Variants in PTPRM observed in about 807,000 individuals in gnomAD.
PTPRM encodes the protein protein tyrosine phosphatase receptor type M, also known as receptor-type tyrosine-protein phosphatase mu.
In PTPRM, 47 loss-of-function variants were observed where a neutral mutation model predicts 186.7. That is an observed-to-expected ratio of 0.25 (90% CI 0.20 to 0.32). The LOEUF is 0.32. Among genes scored for constraint, PTPRM ranks in the 10% least tolerant of loss-of-function variants. PTPRM has a pLI of 1.00. For missense variants in PTPRM, 1,494 were observed against 1,865.0 expected, an observed-to-expected ratio of 0.80 and a Z score of 3.66; for synonymous variants, 668 against 674.9, an observed-to-expected ratio of 0.99 and a Z score of 0.16.
At chr18:7,711,948 A>G (rs929589720) in intron 1 of PTPRM, among the ~76,000 whole-genome samples, 1 of 152,138 alleles carries the variant, frequency 6.6e-6, no homozygotes, top group African/African-American at 2.4e-5. Flanking sequence ...AACTGAAGAG[A>G]GCAGCAAATC....
chr18:8,373,339 T>C (rs1287180967), intron 24 of PTPRM, among the ~76,000 whole-genome samples: 1 of 151,812 alleles, frequency 6.6e-6, no homozygotes, highest in Non-Finnish European at 1.5e-5. Context: ...AACAAGCAGA[T>C]GCAATGCACT....
intron 1 of PTPRM, among the ~76,000 whole-genome samples, chr18:7,700,624 A>G (rs1241051151): frequency 6.6e-6 from 1 of 152,210 alleles, no homozygotes; most frequent in African/African-American, 2.4e-5. Context: ...AGGTAGAGGC[A>G]ACCACAAAAT....
chr18:8,149,411 T>C (rs1443835798), intron 14 of PTPRM, among the ~76,000 whole-genome samples: 1 of 152,200 alleles, frequency 6.6e-6, no homozygotes, highest in Non-Finnish European at 1.5e-5. Context: ...TGTAATGCCC[T>C]TCTTTGTCTC....
chr18:8,301,978 G>A (rs889135795), intron 20 of PTPRM, among the ~76,000 whole-genome samples: 4 of 152,252 alleles, frequency 2.6e-5, no homozygotes, highest in Admixed American at 6.5e-5. Context: ...TGTGCTGCCG[G>A]AGCAGCGGGA....
intron 4 of PTPRM, among the ~76,000 whole-genome samples, chr18:7,910,334 C>T (rs1468701354): frequency 2.6e-5 from 4 of 152,042 alleles, no homozygotes; most frequent in African/African-American, 4.8e-5. Context: ...GTGTCTTGAA[C>T]AAAGAATTGG....
intron 2 of PTPRM, among the ~76,000 whole-genome samples, chr18:7,869,338 G>A (rs1046544639): frequency 9.8e-5 from 15 of 152,300 alleles, no homozygotes; most frequent in Admixed American, 5.9e-4. Context: ...AGGCACCGGG[G>A]GGAATCTCCT....
intron 1 of PTPRM, among the ~76,000 whole-genome samples, chr18:7,571,053 C>G (rs2036554469): frequency 6.6e-6 from 1 of 151,868 alleles, no homozygotes; most frequent in East Asian, 1.9e-4. Flanking sequence ...ATTCTCCTGC[C>G]TCAGCCTCCC....
chr18:8,260,344 TG>T (rs1157946258), intron 19 of PTPRM, among the ~76,000 whole-genome samples: 2 of 152,040 alleles, frequency 1.3e-5, no homozygotes, highest in East Asian at 3.9e-4. Context: ...TTTAATTTTT[TG>T]TAGAGACAGA....
chr18:8,244,536 A>G (rs891872844), intron 15 of PTPRM, among the ~76,000 whole-genome samples: 1 of 152,186 alleles, frequency 6.6e-6, no homozygotes, highest in African/African-American at 2.4e-5. Flanking sequence ...CCCATTTGTA[A>G]ACTATCCAGG....
chr18:7,709,532 A>AACAGAAGG (rs2040167930), intron 1 of PTPRM, among the ~76,000 whole-genome samples: 1 of 152,164 alleles, frequency 6.6e-6, no homozygotes, highest in Admixed American at 6.5e-5. Context: ...ACCCAAACCC[A>AACAGAAGG]ACAGAAGGAA....
chr18:8,085,932 T>C (rs976808887), intron 10 of PTPRM, 60 bp downstream of exon 10: 1 of 1,522,666 alleles, frequency 6.6e-7, no homozygotes, highest in Non-Finnish European at 9.1e-7. Flanking sequence ...CCGTTTTCAT[T>C]CCCATTGTCA....
At chr18:7,743,990 C>T (rs189080340) in intron 1 of PTPRM, among the ~76,000 whole-genome samples, 3 of 151,972 alleles carry the variant, frequency 2.0e-5, no homozygotes, top group Admixed American at 2.0e-4. Context: ...TAGATTTTTC[C>T]ACAATTAGTG....
At chr18:7,823,380 C>T (rs1218277493) in intron 2 of PTPRM, among the ~76,000 whole-genome samples, 1 of 152,128 alleles carries the variant, frequency 6.6e-6, no homozygotes, top group East Asian at 1.9e-4. Context: ...AGAAGGATGC[C>T]CATGGACAGG....
intron 4 of PTPRM, among the ~76,000 whole-genome samples, chr18:7,916,210 C>T (rs1299139354): frequency 6.6e-6 from 1 of 151,718 alleles, no homozygotes; most frequent in African/African-American, 2.4e-5. Context: ...GCAGTATATC[C>T]AAGGAACAAA....
At chr18:8,022,568 C>G (rs1049672581) in intron 7 of PTPRM, among the ~76,000 whole-genome samples, 3 of 152,132 alleles carry the variant, frequency 2.0e-5, no homozygotes, top group African/African-American at 7.2e-5. Flanking sequence ...TAGACAGAAA[C>G]CATAACAGGT....
At chr18:7,750,584 G>A (rs2041166607) in intron 1 of PTPRM, among the ~76,000 whole-genome samples, 1 of 152,032 alleles carries the variant, frequency 6.6e-6, no homozygotes, top group African/African-American at 2.4e-5. Flanking sequence ...ACCCTCCAAC[G>A]CTCCAAAATC....
chr18:8,318,584 C>T (rs1192769361), intron 21 of PTPRM, among the ~76,000 whole-genome samples: 1 of 152,136 alleles, frequency 6.6e-6, no homozygotes, highest in East Asian at 1.9e-4. Context: ...AGGCATCAAC[C>T]ACCACACCTG....
At chr18:7,775,764 G>T (rs186282101) in intron 2 of PTPRM, among the ~76,000 whole-genome samples, 2 of 152,218 alleles carry the variant, frequency 1.3e-5, no homozygotes, top group East Asian at 3.9e-4. Flanking sequence ...AACTTGACTT[G>T]AAAAAATCAG....
At chr18:7,607,485 C>T (rs988159625) in intron 1 of PTPRM, among the ~76,000 whole-genome samples, 4 of 152,078 alleles carry the variant, frequency 2.6e-5, no homozygotes, top group African/African-American at 7.2e-5. Flanking sequence ...ACTCGGGAGC[C>T]GTATTTCTGG....
Sources: gnomAD v4.1 joint callset for allele counts (sites outside exome capture counted in the v4.1 genomes callset) on GRCh38, gnomAD v4.1.1 for gene constraint, MANE v1.5 for transcripts, NCBI Gene and HGNC (gene_info 2026-07-23, HGNC 2026-07-21) for gene names.